The following C1QTNF12 variants were observed in gnomAD, a reference collection of about 807,000 sequenced individuals.
The protein encoded by C1QTNF12 is C1q and TNF related 12, also known as adipolin.
A neutral mutation model predicts 34.3 loss-of-function variants in C1QTNF12; 39 were observed. The observed-to-expected ratio is 1.14, with a 90% CI of 0.88 to 1.49. C1QTNF12 has a LOEUF of 1.49. Among genes scored for constraint, C1QTNF12 ranks in the 40% most tolerant of loss-of-function variants. C1QTNF12 has a pLI of 0.00. For synonymous variants in C1QTNF12, 220 were observed against 196.9 expected (o/e 1.12, Z -0.98); for missense variants, 497 against 424.7 (o/e 1.17, Z -1.50).
In C1QTNF12 at chr1:1,242,553, T is replaced by G; in HGVS notation, c.904A>C (p.Thr302Pro). Reference sequence around the variant, plus strand: ...GCCAGCCCCCCTGGGCGCCCTCACGTGCCCAGGAGCAGCCCGGAGAAGCTG... The same window carrying G: ...GCCAGCCCCCCTGGGCGCCCTCACGGGCCCAGGAGCAGCCCGGAGAAGCTG... ...GSSFSGLLLGT is the reference protein window; with the variant it reads ...GSSFSGLLLGP Residue 302 changes from threonine to proline, a missense_variant, in exon 8 of 8, where the codon ACG (threonine) becomes CCG (proline). Transcript: ENST00000330388. 6.4e-7 allele frequency: 1 copy of G among 1,565,046 alleles called. No individual in the cohort carries two copies. Among genetic ancestry groups the G allele is most frequent in the Non-Finnish European group, 8.7e-7 (1 of 1,154,758 alleles).
intron 1 of C1QTNF12, 98 bp from the exon 2 acceptor site, chr1:1,244,595 G>T: frequency 1.0e-6 from 1 of 955,428 alleles, no homozygotes; most frequent in Non-Finnish European, 1.7e-6. Context: ...ACCAGGGAAG[G>T]CATCGCCGGC....
chr1:1,244,241 G>A lies in C1QTNF12; in HGVS notation c.329C>T (p.Ala110Val). ...DLFGPPGPPG[A>V]EVTAETLLHE... ...AAGCAGAGTCTCCGCGGTCACTTCTGCACCTGGAGGTCCTGGGGGACCGAA... is the reference window on the plus strand; with the variant it reads ...AAGCAGAGTCTCCGCGGTCACTTCTACACCTGGAGGTCCTGGGGGACCGAA... Residue 110 changes from alanine (A) to valine (V), a missense_variant, in exon 3 of 8, where the codon GCA becomes GTA. Coordinates refer to ENST00000330388, the MANE Select transcript of C1QTNF12 (RefSeq NM_001014980.3). 1 of 1,598,158 alleles carries A rather than the reference G, an allele frequency of 6.3e-7. No individual in the cohort carries two copies. The highest frequency in any genetic ancestry group is 1.7e-5 in the Admixed American group (1 of 57,740).
Position 1,246,714 on chromosome 1 carries a change from C to T in C1QTNF12, c.-24G>A. The T allele has an allele frequency of 2.5e-6, 3 of 1,217,140 alleles. No homozygotes were observed. The highest frequency in any genetic ancestry group is 3.3e-5 in the East Asian group (1 of 30,394). The allele number at this position is 1,217,140 out of a possible 1,614,324, so 75.4% of individuals were successfully genotyped here. A position where few individuals can be genotyped will look rare whatever the true frequency, so the allele number is the denominator to read the frequency against. ...ATGGCTCCGTCCCGAGGCGGCTCAG[C>T]GCGGCGAGTCTCGGCGCCAGGGCGC... is the stretch of plus-strand genomic sequence containing the variant. On this transcript the variant is annotated 5_prime_UTR_variant, in exon 1 of 8. Coordinates refer to ENST00000330388, the MANE Select transcript of C1QTNF12 (RefSeq NM_001014980.3). The surrounding 1 kb of genome is among the most constrained non-coding windows in gnomAD (Gnocchi z 4.5).
At chr1:1,244,324 G>GC in intron 2 of C1QTNF12, 49 bp from the exon 3 acceptor site, 1 of 1,591,614 alleles carries the variant, frequency 6.3e-7, no homozygotes, top group Non-Finnish European at 8.6e-7. Context: ...CCCGGTGGGA[G>GC]CTACCACCAC....
Position 1,244,117 on chromosome 1 carries a change from A to G in C1QTNF12, c.380-12T>C. ...GCGCTCCGTGGCCTCTGTGGGGAGG[A>G]GGGCACAGGCGGCCAGCAGGGTCAG... On this transcript the variant is annotated splice_polypyrimidine_tract_variant and intron_variant, in intron 3 of 7. Coordinates refer to ENST00000330388, the MANE Select transcript of C1QTNF12 (RefSeq NM_001014980.3). 6.4e-7 allele frequency: 1 copy of G among 1,568,450 alleles called. No homozygotes were observed. Among genetic ancestry groups the G allele is most frequent in the Non-Finnish European group, 8.6e-7 (1 of 1,157,224 alleles).
In C1QTNF12 at chr1:1,242,859, CTGTAGCG is replaced by C; in HGVS notation, c.779_785del (p.Thr260ArgfsTer61). The C allele has an allele frequency of 6.2e-7, 1 of 1,612,432 alleles. No homozygotes were observed. Among genetic ancestry groups the C allele is most frequent in the Non-Finnish European group, 8.5e-7 (1 of 1,179,766 alleles). ...CCTGCAGCTGCAGCAGCCCCTGCAC[CTGTAGCG>C]TGAAGACCCTGCTGTTGCTCTCCAG... On this transcript the variant is annotated frameshift_variant, in exon 7 of 8. Coordinates refer to ENST00000330388, the MANE Select transcript of C1QTNF12 (RefSeq NM_001014980.3). LOFTEE classifies it high-confidence loss of function.
In C1QTNF12 at chr1:1,246,601, C is replaced by G; in HGVS notation, c.90G>C (p.Gln30His). The G allele has an allele frequency of 8.0e-7, 1 of 1,247,426 alleles. No homozygotes were observed. Among genetic ancestry groups the G allele is most frequent in the Non-Finnish European group, 1.0e-6 (1 of 996,412 alleles). 77.3% of individuals were successfully genotyped at this position (1,247,426 alleles called of 1,614,324 possible). The change falls in exon 1 of 8, where the codon CAG becomes CAC. Residue 30 changes from glutamine (Q) to histidine (H), a missense_variant. Gln to His is a conservative substitution (Grantham distance 24, BLOSUM62 0). Coordinates refer to ENST00000330388, the MANE Select transcript of C1QTNF12 (RefSeq NM_001014980.3). This position sits in a 1 kb window ranked among gnomAD's most constrained non-coding sequence, Gnocchi z 4.5. ...CGCGCTGGCCAGGCTGCTGCGTCCTCTGTGCCTCCCGCCGGGCCCCGACGC... is the reference window on the plus strand; with the variant it reads ...CGCGCTGGCCAGGCTGCTGCGTCCTGTGTGCCTCCCGCCGGGCCCCGACGC... ...LGGVGARREA[Q>H]RTQQPGQRAD...
At chr1:1,246,889 G>A (rs542384291), upstream of C1QTNF12, among the ~76,000 whole-genome samples, 506 of 151,904 alleles carry the variant, frequency 3.3e-3, no homozygotes, top group Non-Finnish European at 5.7e-3. This position sits in a 1 kb window ranked among gnomAD's most constrained non-coding sequence, Gnocchi z 4.5. Context: ...TCCAGCCCCC[G>A]CTCCCAGCCC....
rs370391953 is a variant in C1QTNF12, at chr1:1,242,795, T to C, written c.810+40A>G. 3.7e-6 allele frequency: 6 copies of C among 1,604,272 alleles called. No individual in the cohort carries two copies. In the African/African-American group the frequency reaches 6.7e-5, roughly 18 times the overall value. On this transcript the variant is annotated intron_variant, in intron 7 of 7. Transcript: ENST00000330388. ...GAGCTCACACCCGGCCCAGCCCGAGTGCACCCGAGCCCTCCCGCTCACACC... is the reference window on the plus strand; with the variant it reads ...GAGCTCACACCCGGCCCAGCCCGAGCGCACCCGAGCCCTCCCGCTCACACC...
In C1QTNF12 at chr1:1,242,845, A is replaced by T; in HGVS notation, c.800T>A (p.Leu267Gln). 2 of 1,612,286 alleles carry T rather than the reference A, an allele frequency of 1.2e-6. No individual in the cohort carries two copies. The highest frequency in any genetic ancestry group is 1.7e-6 in the Non-Finnish European group (2 of 1,179,676). Residue 267 changes from leucine to glutamine, a missense_variant, in exon 7 of 8, where the codon CTG becomes CAG. Leu to Gln is a moderately radical substitution (Grantham distance 113, BLOSUM62 -2). Coordinates refer to ENST00000330388, the MANE Select transcript of C1QTNF12 (RefSeq NM_001014980.3). ...RVFTLQVQGL[L>Q]QLQAGQYASV... ...CCGGCCCGGACTCACCTGCAGCTGCAGCAGCCCCTGCACCTGTAGCGTGAA... is the reference window on the plus strand; with the variant it reads ...CCGGCCCGGACTCACCTGCAGCTGCTGCAGCCCCTGCACCTGTAGCGTGAA...
rs1377048801 is a variant in C1QTNF12 at position 1,242,836 on chromosome 1, T to G, written c.809A>C (p.Gln270Pro). The G allele has an allele frequency of 6.2e-7, 1 of 1,612,228 alleles. No homozygotes were observed. Among genetic ancestry groups the G allele is most frequent in the Admixed American group, 1.7e-5 (1 of 60,004 alleles). Residue 270 changes from glutamine (Q) to proline (P), a missense_variant and splice_region_variant, in exon 7 of 8, where the codon CAG becomes CCG. By Grantham distance (76) the Gln-to-Pro change is moderately conservative. Coordinates refer to ENST00000330388, the MANE Select transcript of C1QTNF12 (RefSeq NM_001014980.3). ...TLQVQGLLQLQAGQYASVFVD... is the reference protein window; with the variant it reads ...TLQVQGLLQLPAGQYASVFVD... ...CGCTCACACCCGGCCCGGACTCACC[T>G]GCAGCTGCAGCAGCCCCTGCACCTG...
Position 1,246,628 on chromosome 1 carries a change from C to A in C1QTNF12, c.63G>T (p.Gly21=). The part of the protein sequence containing the change: ...VLLGPQLVLL[G]GVGARREAQR... ...GTGCCTCCCGCCGGGCCCCGACGCC[C>A]CCGAGGAGCACGAGCTGCGGCCCGA... The change falls in exon 1 of 8, where the codon GGG becomes GGT. Residue 21 remains glycine, a synonymous_variant. Transcript: ENST00000330388. This position sits in a 1 kb window ranked among gnomAD's most constrained non-coding sequence, Gnocchi z 4.5. 8.1e-7 allele frequency: 1 copy of A among 1,240,464 alleles called. No homozygotes were observed. The highest frequency in any genetic ancestry group is 1.0e-6 in the Non-Finnish European group (1 of 992,524). 76.8% of individuals were successfully genotyped at this position (1,240,464 alleles called of 1,614,324 possible).
intron 6 of C1QTNF12, 70 bp from the exon 7 acceptor site, chr1:1,242,983 C>T (rs1053283149): frequency 1.3e-6 from 2 of 1,567,852 alleles, no homozygotes; most frequent in Non-Finnish European, 1.7e-6. Context: ...CTCCAGTGCC[C>T]AGAGACCCCT....
In C1QTNF12 at chr1:1,246,461, G is replaced by A. The variant is rs1638893493; in HGVS notation, c.177+53C>T. ...GCCTGCTGGGGGAGGACGCCCCAGA[G>A]CCCCAGCTCCGAAGCTGCCCCGCGA... On this transcript the variant is annotated intron_variant, in intron 1 of 7. Transcript: ENST00000330388. This position sits in a 1 kb window ranked among gnomAD's most constrained non-coding sequence, Gnocchi z 4.5. 15 of 1,219,080 alleles carry A rather than the reference G, an allele frequency of 1.2e-5. No individual in the cohort carries two copies. Among genetic ancestry groups the A allele is most frequent in the Non-Finnish European group, 1.5e-5 (15 of 976,964 alleles). 75.5% of individuals were successfully genotyped at this position (1,219,080 alleles called of 1,614,324 possible).
In C1QTNF12 at chr1:1,246,319, AGAG is replaced by A. The variant is rs1638890231; in HGVS notation, c.177+192_177+194del. ...CAGCTGGGGGCCAGGTCTCCGCTGC[AGAG>A]GAGGAGAGGGCTTCCCAGAGGCCGG... On this transcript the variant is annotated intron_variant, in intron 1 of 7. Coordinates refer to ENST00000330388, the MANE Select transcript of C1QTNF12 (RefSeq NM_001014980.3). The surrounding 1 kb of genome is among the most constrained non-coding windows in gnomAD (Gnocchi z 4.5). Among the ~76,000 whole-genome samples the A allele has an allele frequency of 6.6e-6, 1 of 152,136 alleles. No individual in the cohort carries two copies. Among genetic ancestry groups the A allele is most frequent in the East Asian group, 1.9e-4 (1 of 5,154 alleles).
In C1QTNF12 at chr1:1,246,631, G is replaced by A. The variant is rs1016723578; in HGVS notation, c.60C>T (p.Leu20=). ...VVLLGPQLVL[L]GGVGARREAQ... is the part of the protein sequence containing the mutation. ...CCTCCCGCCGGGCCCCGACGCCCCC[G>A]AGGAGCACGAGCTGCGGCCCGAGGA... Residue 20 remains leucine (L), a synonymous_variant, in exon 1 of 8, where the codon CTC becomes CTT. Transcript: ENST00000330388. The surrounding 1 kb of genome is among the most constrained non-coding windows in gnomAD (Gnocchi z 4.5). 49 of 1,238,940 alleles carry A rather than the reference G, an allele frequency of 4.0e-5. No homozygotes were observed. The highest frequency in any genetic ancestry group is 4.4e-5 in the Non-Finnish European group (44 of 991,752). 76.7% of individuals were successfully genotyped at this position (1,238,940 alleles called of 1,614,324 possible). A position where few individuals can be genotyped will look rare whatever the true frequency, so the allele number is the denominator to read the frequency against.
upstream of C1QTNF12, chr1:1,246,826 G>A: frequency 1.7e-6 from 1 of 575,474 alleles, no homozygotes; most frequent in Non-Finnish European, 2.4e-6. This position sits in a 1 kb window ranked among gnomAD's most constrained non-coding sequence, Gnocchi z 4.5. Flanking sequence ...ATGTCTGCGC[G>A]GACCTGCCCG....
In C1QTNF12 at chr1:1,243,103, C is replaced by A; in HGVS notation, c.690G>T (p.Val230=). 1 of 1,589,498 alleles carries A rather than the reference C, an allele frequency of 6.3e-7. No individual in the cohort carries two copies. The highest frequency in any genetic ancestry group is 8.6e-7 in the Non-Finnish European group (1 of 1,168,982). Residue 230 remains valine, a synonymous_variant, in exon 6 of 8, where the codon GTG becomes GTT. Transcript: ENST00000330388. ...GGGACTCAATACAGATGAGAACACACACCACGTCCCGGGCCCGCAGCCGGG... is the reference window on the plus strand; with the variant it reads ...GGGACTCAATACAGATGAGAACACAAACCACGTCCCGGGCCCGCAGCCGGG... The part of the protein sequence containing the change: ...GKARLRARDV[V]CVLICIESLC...
At position 1,243,898 on chromosome 1, in the gene C1QTNF12, G is replaced by A. The variant is rs567039643; in HGVS notation, c.531+56C>T. 3.1e-5 allele frequency: 45 copies of A among 1,444,772 alleles called. No individual in the cohort carries two copies. The Admixed American group carries it at 4.9e-4, about 16-fold the overall frequency. The allele number at this position is 1,444,772 out of a possible 1,614,324, so 89.5% of individuals were successfully genotyped here. ...AGTGTCAGGCGGTGTGTGTGGTCCC[G>A]TCTTGCCTGTGGGGCCCCACCCAAC... On this transcript the variant is annotated intron_variant, in intron 4 of 7. Coordinates refer to ENST00000330388, the MANE Select transcript of C1QTNF12 (RefSeq NM_001014980.3).
Sources: gnomAD v4.1 joint callset for allele counts (sites outside exome capture counted in the v4.1 genomes callset) on GRCh38, gnomAD v4.1.1 for gene constraint, Gnocchi (gnomAD v3.1) non-coding constraint, MANE v1.5 for transcripts, NCBI Gene and HGNC (gene_info 2026-07-23, HGNC 2026-07-21) for gene names.